Variants in IQCE observed in about 807,000 individuals in gnomAD.
IQCE encodes the protein IQ domain-containing protein E.
Under a neutral mutation model 96.0 loss-of-function variants are expected in IQCE, and 115 were observed. The observed-to-expected ratio is 1.20, with a 90% confidence interval of 1.03 to 1.40. The LOEUF (loss-of-function observed/expected upper bound fraction) is 1.40, where lower values mean the gene tolerates loss of function less well. Among genes scored for constraint, IQCE ranks in the 40% most tolerant of loss-of-function variants. The pLI, the probability that IQCE is intolerant of heterozygous loss-of-function variation, is 0.00. For synonymous variants in IQCE, 412 were observed against 371.2 expected (o/e 1.11, Z -1.26); for missense variants, 1,041 against 909.1 (o/e 1.15, Z -1.87).
chr7:2,563,411 G>GTGTGTGTA lies in IQCE; in HGVS notation c.37-3704_37-3703insGTGTGTAT, dbSNP rs773616723. ...TGTGTGTGTGTGTGTGTGTGTGTGTGTACAGGGTTTCTCCATATTGCCCAG... is the reference window on the plus strand; with the variant it reads ...TGTGTGTGTGTGTGTGTGTGTGTGTGTGTGTGTATACAGGGTTTCTCCATATTGCCCAG... On this transcript the variant is annotated intron_variant, in intron 1 of 21. Coordinates refer to ENST00000402050, the MANE Select transcript of IQCE (RefSeq NM_152558.5). Among the ~76,000 whole-genome samples the GTGTGTGTA allele has an allele frequency of 1.5e-3, 216 of 148,710 alleles. 2 individuals carry two copies. The highest frequency in any genetic ancestry group is 5.1e-3 in the African/African-American group (206 of 40,416).
intron 1 of IQCE, among the ~76,000 whole-genome samples, chr7:2,562,301 T>A (rs548710148): frequency 2.0e-5 from 3 of 151,602 alleles, no homozygotes; most frequent in East Asian, 1.9e-4. Flanking sequence ...TATATATATA[T>A]AAAATCCTTT....
At chr7:2,587,430 C>T (rs555020295) in intron 12 of IQCE, among the ~76,000 whole-genome samples, 4 of 150,764 alleles carry the variant, frequency 2.7e-5, no homozygotes, top group South Asian at 4.2e-4. Context: ...GGGCAGCCAG[C>T]GAGGCAGAGG....
chr7:2,606,994 C>A lies in IQCE; in HGVS notation c.1866-130C>A, dbSNP rs148165642. The A allele has an allele frequency of 2.2e-3, 1,806 of 814,126 alleles. 34 individuals are homozygous for A. The African/African-American group carries it at 0.028, about 13-fold the overall frequency. 50.4% of individuals were successfully genotyped at this position (814,126 alleles called of 1,614,324 possible). A position where few individuals can be genotyped will look rare whatever the true frequency, so the allele number is the denominator to read the frequency against. ...TGGGTACAGCGCTGGTCGTGGGGCTCGGGACTGGCTCTGTGTTTGCTTTCA... is the reference window on the plus strand; with the variant it reads ...TGGGTACAGCGCTGGTCGTGGGGCTAGGGACTGGCTCTGTGTTTGCTTTCA... On this transcript the variant is annotated intron_variant, in intron 20 of 21. Transcript: ENST00000402050.
intron 1 of IQCE, chr7:2,559,651 G>C (rs1023166704): frequency 1.9e-5 from 3 of 154,210 alleles, no homozygotes; most frequent in African/African-American, 7.2e-5. Context: ...CTTCCTGGAG[G>C]AGGGTGGGGC....
rs141477824 is a variant in IQCE, at chr7:2,585,280, C to T, written c.825-928C>T. ...CTCGAACTCCTGACCTCAGGTGATC[C>T]GCCTGCCTCAGCCTCCCAAAGTTCT... On this transcript the variant is annotated intron_variant, in intron 11 of 21. Transcript: ENST00000402050. 9.6e-3 allele frequency among the ~76,000 whole-genome samples: 1,457 copies of T among 152,230 alleles called. 19 individuals are homozygous for T. Among genetic ancestry groups the T allele is most frequent in the African/African-American group, 0.033 (1,378 of 41,534 alleles).
intron 4 of IQCE, 23 bp downstream of exon 4, chr7:2,571,677 A>T (rs1258599627): frequency 6.3e-7 from 1 of 1,590,708 alleles, no homozygotes. Flanking sequence ...CGCACTGGAG[A>T]CCCTTCCTGC....
rs1474190511 is a variant in IQCE at position 2,610,537 on chromosome 7, C to T, written c.*375C>T. Reference sequence around the variant, plus strand: ...AGGAGCTGCTATCCGCAACCAGCGCCGACACCATGCCCCCTCTTCCTGGTG... The same window carrying T: ...AGGAGCTGCTATCCGCAACCAGCGCTGACACCATGCCCCCTCTTCCTGGTG... On this transcript the variant is annotated 3_prime_UTR_variant, in exon 22 of 22. Transcript: ENST00000402050. 9 of 199,520 alleles carry T rather than the reference C, an allele frequency of 4.5e-5. No homozygotes were observed. The highest frequency in any genetic ancestry group is 9.3e-5 in the Non-Finnish European group (9 of 97,120). The allele number at this position is 199,520 out of a possible 1,614,324, so 12.4% of individuals were successfully genotyped here.
Position 2,612,548 on chromosome 7 carries a change from G to C in IQCE, c.*2386G>C, listed in dbSNP as rs1283004315. 2 of 151,550 alleles carry C rather than the reference G, an allele frequency of 1.3e-5. No individual in the cohort carries two copies. The highest frequency in any genetic ancestry group is 2.9e-5 in the Non-Finnish European group (2 of 67,980). 9.4% of individuals were successfully genotyped at this position (151,550 alleles called of 1,614,324 possible). A position where few individuals can be genotyped will look rare whatever the true frequency, so the allele number is the denominator to read the frequency against. ...GGAGCCATGGGAGGGGTGAGCTGTG[G>C]GCGGGGCCTAGTCATGGGAGGGGTG... On this transcript the variant is annotated 3_prime_UTR_variant, in exon 22 of 22. Transcript: ENST00000402050.
At chr7:2,585,575 G>A (rs1783036150) in intron 11 of IQCE, among the ~76,000 whole-genome samples, 1 of 152,228 alleles carries the variant, frequency 6.6e-6, no homozygotes, top group Non-Finnish European at 1.5e-5. Context: ...GCAGCGTCAC[G>A]AGCAAACAGC....
At chr7:2,588,656 T>TG in intron 13 of IQCE, among the ~76,000 whole-genome samples, 1 of 89,460 alleles carries the variant, frequency 1.1e-5, no homozygotes, top group Admixed American at 9.9e-5. Flanking sequence ...CCTGGCTGGT[T>TG]TTTTTTTTTT....
rs1236717874 is a variant in IQCE, at chr7:2,598,255, T to C, written c.1441-210T>C. Reference sequence around the variant, plus strand: ...TTAATGAGAAGCACGTCTGCACTTGTGTGCTCGCCTAGACGCTGTCTCTCA... The same window carrying C: ...TTAATGAGAAGCACGTCTGCACTTGCGTGCTCGCCTAGACGCTGTCTCTCA... On this transcript the variant is annotated intron_variant, in intron 16 of 21. Transcript: ENST00000402050. The C allele has an allele frequency of 2.1e-5, 10 of 478,026 alleles. No individual in the cohort carries two copies. The South Asian group carries it at 3.6e-4, about 17-fold the overall frequency. The allele number at this position is 478,026 out of a possible 1,614,324, so 29.6% of individuals were successfully genotyped here.
intron 17 of IQCE, 66 bp downstream of exon 17, chr7:2,598,698 A>T: frequency 7.3e-7 from 1 of 1,371,780 alleles, no homozygotes; most frequent in Non-Finnish European, 9.5e-7. Context: ...CAAGCCACTC[A>T]CTCTCCAGGA....
intron 1 of IQCE, among the ~76,000 whole-genome samples, chr7:2,564,516 T>C (rs1210350215): frequency 1.3e-5 from 2 of 152,026 alleles, no homozygotes; most frequent in African/African-American, 4.8e-5. Context: ...GAGAATCGCT[T>C]GTACCCGGGA....
chr7:2,601,557 C>CTT, intron 18 of IQCE, 93 bp downstream of exon 18: 2 of 945,674 alleles, frequency 2.1e-6, no homozygotes, highest in Non-Finnish European at 1.7e-6. Flanking sequence ...GATTCCTTTT[C>CTT]TTTTTTTTTC....
intron 6 of IQCE, among the ~76,000 whole-genome samples, chr7:2,577,149 C>T (rs1043251205): frequency 3.9e-5 from 6 of 152,242 alleles, no homozygotes; most frequent in Non-Finnish European, 7.3e-5. Flanking sequence ...GTGGGAGCCA[C>T]GCAGCTTTCC....
At chr7:2,587,184 G>C (rs913030978) in intron 12 of IQCE, among the ~76,000 whole-genome samples, 4 of 152,132 alleles carry the variant, frequency 2.6e-5, no homozygotes, top group African/African-American at 7.2e-5. Context: ...AAAAGACAGA[G>C]TTGCTATTTC....
chr7:2,578,749 A>G (rs1402681789), intron 8 of IQCE, among the ~76,000 whole-genome samples: 1 of 152,186 alleles, frequency 6.6e-6, no homozygotes. Context: ...GGAAAAACCC[A>G]TCACAACGGG....
At chr7:2,567,190 C>T (rs1224385158) in intron 2 of IQCE, 27 bp downstream of exon 2, 10 of 1,602,020 alleles carry the variant, frequency 6.2e-6, no homozygotes, top group South Asian at 2.2e-5. Flanking sequence ...GTCAGCCGTG[C>T]GACCTCGGGC....
intron 21 of IQCE, among the ~76,000 whole-genome samples, chr7:2,609,248 G>A (rs542891484): frequency 3.3e-5 from 5 of 151,992 alleles, no homozygotes; most frequent in African/African-American, 7.3e-5. Flanking sequence ...AGCTCACAGC[G>A]ATCCGTGCCT....
Sources: allele counts gnomAD v4.1 joint callset (sites outside exome capture counted in the v4.1 genomes callset), GRCh38; gene constraint gnomAD v4.1.1; transcripts MANE v1.5; gene names NCBI Gene and HGNC (gene_info 2026-07-23, HGNC 2026-07-21).